KLHL12: variants seen among roughly 807,000 people sequenced by gnomAD.
KLHL12 encodes the protein kelch-like protein 12.
A neutral mutation model predicts 60.8 loss-of-function variants in KLHL12; 17 were observed. That is an observed-to-expected ratio of 0.28 (90% CI 0.19 to 0.42). The LOEUF (loss-of-function observed/expected upper bound fraction) is 0.42. Among genes scored for constraint, KLHL12 ranks in the 10% least tolerant of loss-of-function variants. The probability of loss-of-function intolerance (pLI) is 1.00; values close to 1 mark genes in which losing one functional copy is unlikely to be tolerated. For synonymous variants in KLHL12, 220 were observed against 250.9 expected, an observed-to-expected ratio of 0.88 and a Z score of 1.16; for missense variants, 468 against 722.3, an observed-to-expected ratio of 0.65 and a Z score of 4.04.
chr1:202,918,041 G>A, intron 4 of KLHL12, 130 bp downstream of exon 4: 1 of 711,074 alleles, frequency 1.4e-6, no homozygotes, highest in Non-Finnish European at 2.4e-6. Flanking sequence ...GTACAGGAGG[G>A]GTTAATGAAA....
intron 2 of KLHL12, among the ~76,000 whole-genome samples, chr1:202,924,678 CAT>C (rs769130565): frequency 2.0e-5 from 3 of 152,156 alleles, no homozygotes; most frequent in African/African-American, 2.4e-5. Flanking sequence ...CAATAGCTGA[CAT>C]GTGTGTTTTA....
intron 4 of KLHL12, among the ~76,000 whole-genome samples, chr1:202,913,251 T>C (rs921023129): frequency 2.0e-5 from 3 of 152,196 alleles, no homozygotes; most frequent in Admixed American, 6.5e-5. Context: ...CTGGAAGGAC[T>C]TAGGTATATA....
Position 202,910,856 on chromosome 1 carries a change from G to T in KLHL12, c.717+198C>A, listed in dbSNP as rs185620746. Reference sequence around the variant, plus strand: ...AATTGAACCACAGATTTTCATTTGTGTCAAGAGCCTGACTTGCCAAGAAAT... The same window carrying T: ...AATTGAACCACAGATTTTCATTTGTTTCAAGAGCCTGACTTGCCAAGAAAT... On this transcript the variant is annotated intron_variant, in intron 5 of 11. Coordinates refer to ENST00000367261, the MANE Select transcript of KLHL12 (RefSeq NM_021633.4). Among the ~76,000 whole-genome samples the T allele has an allele frequency of 2.6e-5, 4 of 152,290 alleles. No homozygotes were observed. The East Asian group carries it at 5.8e-4, about 22-fold the overall frequency.
intron 4 of KLHL12, among the ~76,000 whole-genome samples, chr1:202,916,131 G>C (rs1455237360): frequency 6.6e-6 from 1 of 152,164 alleles, no homozygotes; most frequent in East Asian, 1.9e-4. Context: ...TCAGCACAAG[G>C]ATACAATGTC....
Position 202,896,901 on chromosome 1 carries a change from C to T in KLHL12, c.892G>A (p.Val298Met), listed in dbSNP as rs1168724318. 1 of 1,614,174 alleles carries T rather than the reference C, an allele frequency of 6.2e-7. No homozygotes were observed. Among genetic ancestry groups the T allele is most frequent in the Non-Finnish European group, 8.5e-7 (1 of 1,180,024 alleles). ...GTCTTGGGGTCATATTTCTCTACCA[C>T]ATCAATGGGAGACTGCTGGCTTCCA... Reference protein sequence around the residue: ...GFGSQQSPIDVVEKYDPKTQE... With the variant: ...GFGSQQSPIDMVEKYDPKTQE... Residue 298 changes from valine to methionine, a missense_variant, in exon 7 of 12, where the codon GTG becomes ATG. Val to Met is a conservative substitution (Grantham distance 21). Coordinates refer to ENST00000367261, the MANE Select transcript of KLHL12 (RefSeq NM_021633.4).
At chr1:202,920,013 T>C in intron 2 of KLHL12, 105 bp from the exon 3 acceptor site, 1 of 1,085,566 alleles carries the variant, frequency 9.2e-7, no homozygotes, top group South Asian at 1.4e-5. Flanking sequence ...TAATTGAACA[T>C]TTATCTTTAA....
intron 6 of KLHL12, among the ~76,000 whole-genome samples, chr1:202,904,431 A>C (rs1660121322): frequency 6.6e-6 from 1 of 152,206 alleles, no homozygotes; most frequent in Admixed American, 6.5e-5. Context: ...TTTTGTGCCT[A>C]GAAAGTCCTT....
Position 202,919,917 on chromosome 1 carries a change from T to C in KLHL12, c.196-9A>G. 1.9e-6 allele frequency: 3 copies of C among 1,611,004 alleles called. No individual in the cohort carries two copies. Among genetic ancestry groups the C allele is most frequent in the Non-Finnish European group, 2.5e-6 (3 of 1,177,680 alleles). ...TTCCCCTTCTCTGAGAGCTGAAAAT[T>C]CAAAAGGTATAAAAGAATGATGGTT... is the stretch of plus-strand genomic sequence containing the variant. On this transcript the variant is annotated splice_polypyrimidine_tract_variant and intron_variant, in intron 2 of 11. Coordinates refer to ENST00000367261, the MANE Select transcript of KLHL12 (RefSeq NM_021633.4).
upstream of KLHL12, among the ~76,000 whole-genome samples, chr1:202,927,505 A>C (rs575317411): frequency 1.6e-3 from 150 of 96,442 alleles, 3 homozygotes; most frequent in South Asian, 0.014. Flanking sequence ...GATCACGGCA[A>C]AACCCCGTTT....
chr1:202,917,120 T>C (rs982921711), intron 4 of KLHL12, among the ~76,000 whole-genome samples: 2 of 152,186 alleles, frequency 1.3e-5, no homozygotes, highest in African/African-American at 4.8e-5. Flanking sequence ...ACTGGTACTC[T>C]GATTTAGAAT....
chr1:202,905,992 T>TC (rs1660173261), intron 6 of KLHL12, among the ~76,000 whole-genome samples: 1 of 140,908 alleles, frequency 7.1e-6, no homozygotes, highest in Non-Finnish European at 1.5e-5. Flanking sequence ...TTTTTTTTTT[T>TC]GTATTTTTAG....
At chr1:202,917,606 C>T (rs933002553) in intron 4 of KLHL12, among the ~76,000 whole-genome samples, 2 of 152,206 alleles carry the variant, frequency 1.3e-5, no homozygotes, top group African/African-American at 2.4e-5. Flanking sequence ...TGTAGATCCT[C>T]ACTTCCAAAC....
rs1406589197 is a variant in KLHL12, at chr1:202,912,486, G to A, written c.568-1283C>T. ...GGTGGTGGTGGTGGATATGGTGGCA[G>A]TGAGGATGGCGATAATGGATTTGGT... On this transcript the variant is annotated intron_variant, in intron 4 of 11. Coordinates refer to ENST00000367261, the MANE Select transcript of KLHL12 (RefSeq NM_021633.4). The A allele has an allele frequency of 6.6e-5, 61 of 930,298 alleles. No individual in the cohort carries two copies. In the Admixed American group the frequency reaches 1.0e-3, roughly 15 times the overall value. The allele number at this position is 930,298 out of a possible 1,614,324, so 57.6% of individuals were successfully genotyped here.
chr1:202,898,131 C>A (rs1157230340), intron 6 of KLHL12, among the ~76,000 whole-genome samples: 1 of 151,814 alleles, frequency 6.6e-6, no homozygotes, highest in Non-Finnish European at 1.5e-5. Context: ...CTCAAACTCC[C>A]GGCCTCAAGC....
chr1:202,897,230 T>A (rs1434937112), intron 6 of KLHL12, among the ~76,000 whole-genome samples: 1 of 38,714 alleles, frequency 2.6e-5, no homozygotes, highest in African/African-American at 8.0e-5. Context: ...TTCTTTTTCT[T>A]TTTTTTTTTT....
Position 202,892,235 on chromosome 1 carries a change from T to G in KLHL12, c.*298A>C. ...CAACATACATATAGTACACCAAGCA[T>G]GTGGTAAGTTAGAAATGACAGGAAA... On this transcript the variant is annotated 3_prime_UTR_variant, in exon 12 of 12. Transcript: ENST00000367261. The G allele has an allele frequency of 3.0e-6, 1 of 337,908 alleles. No homozygotes were observed. The highest frequency in any genetic ancestry group is 4.3e-5 in the Admixed American group (1 of 23,170). The allele number at this position is 337,908 out of a possible 1,614,324, so 20.9% of individuals were successfully genotyped here. A position where few individuals can be genotyped will look rare whatever the true frequency, so the allele number is the denominator to read the frequency against.
In KLHL12 at chr1:202,904,012, CTATT is replaced by C. The variant is rs200760291; in HGVS notation, c.832+4994_832+4997del. Among the ~76,000 whole-genome samples the C allele has an allele frequency of 5.8e-4, 88 of 151,142 alleles. 1 individual carries two copies. In the East Asian group the frequency reaches 7.7e-3, roughly 13 times the overall value. The stretch of plus-strand genomic sequence containing the variant: ...TCTATGTATCTATCTATCTATCTAT[CTATT>C]TATCTATCTATCTATCTATGAGATG... On this transcript the variant is annotated intron_variant, in intron 6 of 11. Coordinates refer to ENST00000367261, the MANE Select transcript of KLHL12 (RefSeq NM_021633.4).
intron 4 of KLHL12, chr1:202,912,165 AG>A (rs1660382566): frequency 1.1e-6 from 1 of 886,610 alleles, no homozygotes; most frequent in Admixed American, 1.7e-5. Context: ...AAGACACTGA[AG>A]AACATCACCT....
chr1:202,917,036 A>T (rs1660543438), intron 4 of KLHL12, among the ~76,000 whole-genome samples: 1 of 152,128 alleles, frequency 6.6e-6, no homozygotes, highest in Non-Finnish European at 1.5e-5. Context: ...CTTCAAAGAC[A>T]TCTAATAACT....
Sources: gnomAD v4.1 joint callset for allele counts (sites outside exome capture counted in the v4.1 genomes callset) on GRCh38, gnomAD v4.1.1 for gene constraint, MANE v1.5 for transcripts, NCBI Gene and HGNC (gene_info 2026-07-23, HGNC 2026-07-21) for gene names.